The following GPX1 variants were observed in gnomAD, a reference collection of about 807,000 sequenced individuals.
GPX1 encodes glutathione peroxidase 1, also known as GSHPx-1.
A neutral mutation model predicts 11.5 loss-of-function variants in GPX1; 8 were observed. The observed-to-expected ratio is 0.70, with a 90% confidence interval of 0.41 to 1.25. The LOEUF is 1.25. Among genes scored for constraint, GPX1 ranks in the 50% most tolerant of loss-of-function variants. The probability of loss-of-function intolerance (pLI) is 0.01; values close to 1 mark genes in which losing one functional copy is unlikely to be tolerated. For missense variants in GPX1, 266 were observed against 284.3 expected (o/e 0.94, Z 0.46); for synonymous variants, 142 against 127.8 (o/e 1.11, Z -0.75).
chr3:49,357,473 A>G lies in GPX1; in HGVS notation c.527T>C (p.Leu176Pro). The change falls in exon 2 of 2, where the codon CTA becomes CCA. Residue 176 changes from leucine (L) to proline (P), a missense_variant. Leu to Pro is a moderately conservative substitution (Grantham distance 98). Coordinates refer to ENST00000419783, the MANE Select transcript of GPX1 (RefSeq NM_000581.4). ...KFLVGPDGVP[L>P]RRYSRRFQTI... ...CTGGAAGCGGCGGCTGTACCTGCGT[A>G]GGGGCACACCGTCAGGGCCCACCAG... The G allele has an allele frequency of 1.2e-6, 2 of 1,613,348 alleles. No individual in the cohort carries two copies. The highest frequency in any genetic ancestry group is 1.7e-6 in the Non-Finnish European group (2 of 1,179,782).
Position 49,358,323 on chromosome 3 carries a change from T to A in GPX1, c.-45A>T. 6.7e-7 allele frequency: 1 copy of A among 1,492,194 alleles called. No homozygotes were observed. Among genetic ancestry groups the A allele is most frequent in the Non-Finnish European group, 8.9e-7 (1 of 1,117,834 alleles). 92.4% of individuals were successfully genotyped at this position (1,492,194 alleles called of 1,614,324 possible). The stretch of plus-strand genomic sequence containing the variant: ...CCAGCGGAGCGCCCCGAACAAGCAC[T>A]GTAAGGGGAGGCCAGCAGGCGCCTC... On this transcript the variant is annotated 5_prime_UTR_variant, in exon 1 of 2. Coordinates refer to ENST00000419783, the MANE Select transcript of GPX1 (RefSeq NM_000581.4).
Position 49,357,435 on chromosome 3 carries a change from C to G in GPX1, c.565G>C (p.Glu189Gln). ...YSRRFQTIDI[E>Q]PDIEALLSQG... ...GACAGCAGGGCTTCGATGTCAGGCT[C>G]GATGTCAATGGTCTGGAAGCGGCGG... Residue 189 changes from glutamate to glutamine, a missense_variant, in exon 2 of 2, where the codon GAG becomes CAG. By Grantham distance (29) the Glu-to-Gln change is conservative. Coordinates refer to ENST00000419783, the MANE Select transcript of GPX1 (RefSeq NM_000581.4). 2 of 1,613,118 alleles carry G rather than the reference C, an allele frequency of 1.2e-6. No individual in the cohort carries two copies. Among genetic ancestry groups the G allele is most frequent in the Middle Eastern group, 1.7e-4 (1 of 6,000 alleles).
intron 1 of GPX1, 34 bp downstream of exon 1, chr3:49,357,969 GCGCCCCCAGCCACTACTGCACGTC>G (rs763795472): frequency 6.5e-7 from 1 of 1,541,164 alleles, no homozygotes; most frequent in East Asian, 2.3e-5. Flanking sequence ...CACACCGCCG[GCGCCCCCAGCCACTACTGCACGTC>G]CGCCCCCGCC....
At chr3:49,357,838 G>A (rs1332706155) in intron 1 of GPX1, 91 bp from the exon 2 acceptor site, 15 of 1,529,106 alleles carry the variant, frequency 9.8e-6, no homozygotes, top group South Asian at 6.3e-5. Flanking sequence ...ATGAGTCACC[G>A]GGATTTTGCC....
Position 49,357,558 on chromosome 3 carries a change from T to C in GPX1, c.442A>G (p.Lys148Glu), listed in dbSNP as rs2047862758. Reference protein sequence around the residue: ...DDATALMTDPKLITWSPVCRN... With the variant: ...DDATALMTDPELITWSPVCRN... ...CACACCGGAGACCAGGTGATGAGCT[T>C]GGGGTCGGTCATAAGCGCGGTGGCG... is the stretch of plus-strand genomic sequence containing the variant. The change falls in exon 2 of 2, where the codon AAG becomes GAG. Residue 148 changes from lysine (K) to glutamate (E), a missense_variant. Transcript: ENST00000419783. 2 of 1,612,892 alleles carry C rather than the reference T, an allele frequency of 1.2e-6. No homozygotes were observed. Among genetic ancestry groups the C allele is most frequent in the Non-Finnish European group, 1.7e-6 (2 of 1,179,766 alleles).
intron 1 of GPX1, 70 bp from the exon 2 acceptor site, chr3:49,357,817 G>A (rs2047869705): frequency 6.5e-7 from 1 of 1,539,334 alleles, no homozygotes; most frequent in Non-Finnish European, 8.7e-7. Context: ...CACAAACAAG[G>A]GAGATTTTCT....
At position 49,358,338 on chromosome 3, in the gene GPX1, G is replaced by C. The variant is rs1007956020; in HGVS notation, c.-60C>G. Reference sequence around the variant, plus strand: ...GAACAAGCACTGTAAGGGGAGGCCAGCAGGCGCCTCCTTTTAACTGGCCGG... The same window carrying C: ...GAACAAGCACTGTAAGGGGAGGCCACCAGGCGCCTCCTTTTAACTGGCCGG... On this transcript the variant is annotated 5_prime_UTR_variant, in exon 1 of 2. Coordinates refer to ENST00000419783, the MANE Select transcript of GPX1 (RefSeq NM_000581.4). 4 of 1,466,998 alleles carry C rather than the reference G, an allele frequency of 2.7e-6. No homozygotes were observed. Among genetic ancestry groups the C allele is most frequent in the Middle Eastern group, 2.5e-4 (1 of 3,984 alleles). 90.9% of individuals were successfully genotyped at this position (1,466,998 alleles called of 1,614,324 possible).
chr3:49,358,056 C>G lies in GPX1; in HGVS notation c.223G>C (p.Gly75Arg), dbSNP rs763687242. 1.2e-6 allele frequency: 2 copies of G among 1,610,816 alleles called. No individual in the cohort carries two copies. Among genetic ancestry groups the G allele is most frequent in the East Asian group, 4.5e-5 (2 of 44,802 alleles). ...TGCCCAAACTGGTTGCACGGGAAGC[C>G]GAGCACCACCAGGCCCCGGGGTCCG... Reference protein sequence around the residue: ...RLGPRGLVVLGFPCNQFGHQE... With the variant: ...RLGPRGLVVLRFPCNQFGHQE... The change falls in exon 1 of 2, where the codon GGC becomes CGC. Residue 75 changes from glycine (G) to arginine (R), a missense_variant. Physicochemically the swap from Gly to Arg is moderately radical, Grantham distance 125. Coordinates refer to ENST00000419783, the MANE Select transcript of GPX1 (RefSeq NM_000581.4).
At position 49,357,384 on chromosome 3, in the gene GPX1, C is replaced by G; in HGVS notation, c.*4G>C. On this transcript the variant is annotated 3_prime_UTR_variant, in exon 2 of 2. Coordinates refer to ENST00000419783, the MANE Select transcript of GPX1 (RefSeq NM_000581.4). ...TGCCAAGCAGCCGGGGTAGGAGGGGCGCCCTAGGCACAGCTGGGCCCTTGA... is the reference window on the plus strand; with the variant it reads ...TGCCAAGCAGCCGGGGTAGGAGGGGGGCCCTAGGCACAGCTGGGCCCTTGA... The G allele has an allele frequency of 6.3e-7, 1 of 1,597,608 alleles. No homozygotes were observed. The highest frequency in any genetic ancestry group is 1.8e-4 in the Middle Eastern group (1 of 5,594).
intron 1 of GPX1, 80 bp downstream of exon 1, chr3:49,357,947 G>T: frequency 6.9e-7 from 1 of 1,439,434 alleles, no homozygotes. Flanking sequence ...TGGAGCCGAC[G>T]GCACCCACCA....
intron 1 of GPX1, 116 bp downstream of exon 1, chr3:49,357,911 G>C (rs942511050): frequency 2.0e-6 from 3 of 1,501,486 alleles, no homozygotes; most frequent in Non-Finnish European, 2.7e-6. Context: ...GAAAGGAAAC[G>C]AGAGAGTAGC....
chr3:49,358,201 G>A lies in GPX1; in HGVS notation c.78C>T (p.Gly26=), dbSNP rs1404009044. The A allele has an allele frequency of 3.2e-6, 5 of 1,558,364 alleles. No individual in the cohort carries two copies. The African/African-American group carries it at 5.4e-5, about 17-fold the overall frequency. Residue 26 remains glycine, a synonymous_variant, in exon 1 of 2, where the codon GGC becomes GGT. Coordinates refer to ENST00000419783, the MANE Select transcript of GPX1 (RefSeq NM_000581.4). ...VYAFSARPLA[G]GEPVSLGSLR... Reference sequence around the variant, plus strand: ...GGGAGCCCAGGCTCACAGGCTCCCCGCCGGCCAGCGGGCGCGCCGAGAAGG... The same window carrying A: ...GGGAGCCCAGGCTCACAGGCTCCCCACCGGCCAGCGGGCGCGCCGAGAAGG...
In GPX1 at chr3:49,358,253, GCC is replaced by G; in HGVS notation, c.24_25del (p.Ala9GlyfsTer156). ...ATACACCGACTGGGCCGCCGCCGCCGCCGCCGCTAGCCGAGCAGCACACATGG... is the reference window on the plus strand; with the variant it reads ...ATACACCGACTGGGCCGCCGCCGCCGGCCGCTAGCCGAGCAGCACACATGG... On this transcript the variant is annotated frameshift_variant, in exon 1 of 2. Transcript: ENST00000419783. LOFTEE classifies it high-confidence loss of function. 6.5e-7 allele frequency: 1 copy of G among 1,541,204 alleles called. No homozygotes were observed. Among genetic ancestry groups the G allele is most frequent in the Non-Finnish European group, 8.7e-7 (1 of 1,143,228 alleles).
rs1300329845 is a variant in GPX1, at chr3:49,358,006, GC to G, written c.252+20del. On this transcript the variant is annotated intron_variant, in intron 1 of 1. Transcript: ENST00000419783. ...ACTACTGCACGTCCGCCCCCGCCCC[GC>G]CCCGCTCCGCCCGGCGCACCTGATG... is the stretch of plus-strand genomic sequence containing the variant. 2 of 1,597,158 alleles carry G rather than the reference GC, an allele frequency of 1.3e-6. No homozygotes were observed. Among genetic ancestry groups the G allele is most frequent in the Non-Finnish European group, 1.7e-6 (2 of 1,172,270 alleles).
intron 1 of GPX1, 120 bp downstream of exon 1, chr3:49,357,907 A>G: frequency 2.0e-6 from 3 of 1,504,762 alleles, no homozygotes; most frequent in Non-Finnish European, 2.7e-6. Flanking sequence ...AACAGAAAGG[A>G]AACGAGAGAG....
rs1268517670 is a variant in GPX1 at position 49,358,279 on chromosome 3, G to A, written c.-1C>T. 3.9e-6 allele frequency: 6 copies of A among 1,537,362 alleles called. No homozygotes were observed. In the African/African-American group the frequency reaches 4.1e-5, roughly 11 times the overall value. Reference sequence around the variant, plus strand: ...CCGCCGCTAGCCGAGCAGCACACATGGCGCAATTGTCCAAGAAGCCAGCGG... The same window carrying A: ...CCGCCGCTAGCCGAGCAGCACACATAGCGCAATTGTCCAAGAAGCCAGCGG... On this transcript the variant is annotated 5_prime_UTR_variant, in exon 1 of 2. Coordinates refer to ENST00000419783, the MANE Select transcript of GPX1 (RefSeq NM_000581.4).
Position 49,358,353 on chromosome 3 carries a change from T to A in GPX1, c.-75A>T, listed in dbSNP as rs899533338. On this transcript the variant is annotated 5_prime_UTR_variant, in exon 1 of 2. Transcript: ENST00000419783. ...GGGGAGGCCAGCAGGCGCCTCCTTTTAACTGGCCGGCGGCGGGTCACGTGG... is the reference window on the plus strand; with the variant it reads ...GGGGAGGCCAGCAGGCGCCTCCTTTAAACTGGCCGGCGGCGGGTCACGTGG... 4.2e-6 allele frequency: 6 copies of A among 1,445,782 alleles called. No individual in the cohort carries two copies. The allele number at this position is 1,445,782 out of a possible 1,614,324, so 89.6% of individuals were successfully genotyped here.
intron 1 of GPX1, 82 bp from the exon 2 acceptor site, chr3:49,357,829 T>G (rs1473251890): frequency 3.9e-6 from 6 of 1,532,748 alleles, no homozygotes; most frequent in Non-Finnish European, 5.3e-6. Flanking sequence ...AGATTTTCTA[T>G]GAGTCACCGG....
In GPX1 at chr3:49,357,424, G is replaced by T; in HGVS notation, c.576C>A (p.Ile192=). Residue 192 remains isoleucine (I), a synonymous_variant, in exon 2 of 2, where the codon ATC becomes ATA. Transcript: ENST00000419783. ...RFQTIDIEPD[I]EALLSQGPSC... is the part of the protein sequence containing the mutation. ...TGGGCCCTTGAGACAGCAGGGCTTC[G>T]ATGTCAGGCTCGATGTCAATGGTCT... 6.2e-7 allele frequency: 1 copy of T among 1,612,426 alleles called. No individual in the cohort carries two copies. The highest frequency in any genetic ancestry group is 2.2e-5 in the East Asian group (1 of 44,864).
Sources: allele counts gnomAD v4.1 joint callset, GRCh38; gene constraint gnomAD v4.1.1; transcripts MANE v1.5; gene names NCBI Gene and HGNC (gene_info 2026-07-23, HGNC 2026-07-21).